FARS2: variants seen among roughly 807,000 people sequenced by gnomAD.
The protein encoded by FARS2 is phenylalanine--tRNA ligase, mitochondrial.
A neutral mutation model predicts 46.4 loss-of-function variants in FARS2; 40 were observed. The ratio of observed to expected loss-of-function variants is 0.86; its 90% CI spans 0.67 to 1.12. FARS2 has a LOEUF of 1.12. Among genes scored for constraint, FARS2 ranks in the 50% most tolerant of loss-of-function variants. The pLI, the probability that FARS2 is intolerant of heterozygous loss-of-function variation, is 0.00. For missense variants in FARS2, 513 were observed against 567.9 expected (o/e 0.90, Z 0.98); for synonymous variants, 234 against 214.9 (o/e 1.09, Z -0.78).
intron 1 of FARS2, among the ~76,000 whole-genome samples, chr6:5,347,114 A>G (rs926649154): frequency 3.3e-5 from 5 of 152,070 alleles, no homozygotes. Context: ...AGGTTTTGCC[A>G]TGTTGGCCTG....
At chr6:5,709,215 G>A (rs1036790216) in intron 6 of FARS2, among the ~76,000 whole-genome samples, 4 of 152,172 alleles carry the variant, frequency 2.6e-5, no homozygotes, top group South Asian at 2.1e-4. Context: ...TGAGACTGAA[G>A]GTGGGGTTGA....
chr6:5,545,790 C>T (rs1770941760), intron 5 of FARS2, among the ~76,000 whole-genome samples: 1 of 152,146 alleles, frequency 6.6e-6, no homozygotes, highest in Non-Finnish European at 1.5e-5. Flanking sequence ...GACGTGAACT[C>T]ATTCTTTTTT....
chr6:5,361,143 A>T (rs1758273067), intron 1 of FARS2, among the ~76,000 whole-genome samples: 1 of 152,206 alleles, frequency 6.6e-6, no homozygotes, highest in African/African-American at 2.4e-5. Flanking sequence ...ATGTGTTTAT[A>T]GGTAGGTGTA....
chr6:5,298,903 T>C (rs575542643), intron 1 of FARS2, among the ~76,000 whole-genome samples: 1 of 151,822 alleles, frequency 6.6e-6, no homozygotes, highest in African/African-American at 2.4e-5. Context: ...ATGTCTTGTC[T>C]TTTCTTAGGG....
At chr6:5,429,756 A>C (rs1405628285) in intron 3 of FARS2, among the ~76,000 whole-genome samples, 2 of 152,146 alleles carry the variant, frequency 1.3e-5, no homozygotes, top group Non-Finnish European at 2.9e-5. Context: ...GTTACAATGA[A>C]CTATGATTGG....
At chr6:5,527,827 G>A (rs552517424) in intron 4 of FARS2, among the ~76,000 whole-genome samples, 2 of 152,190 alleles carry the variant, frequency 1.3e-5, no homozygotes, top group Non-Finnish European at 2.9e-5. Context: ...GTTAGGAAAT[G>A]TATCTTTTGC....
chr6:5,676,714 C>A (rs1229226294), intron 6 of FARS2, among the ~76,000 whole-genome samples: 1 of 152,114 alleles, frequency 6.6e-6, no homozygotes, highest in Non-Finnish European at 1.5e-5. Flanking sequence ...TTGAATGCTC[C>A]CAAACTTACT....
At chr6:5,433,423 A>T (rs1441630926) in intron 4 of FARS2, among the ~76,000 whole-genome samples, 1 of 152,248 alleles carries the variant, frequency 6.6e-6, no homozygotes, top group Non-Finnish European at 1.5e-5. Flanking sequence ...GGAAATATTT[A>T]AACAGAAGTT....
intron 6 of FARS2, 52 bp downstream of exon 6, chr6:5,613,372 G>A: frequency 1.3e-6 from 2 of 1,530,412 alleles, no homozygotes; most frequent in South Asian, 1.2e-5. Flanking sequence ...TGTGATAAAT[G>A]TCATGTGGAA....
intron 6 of FARS2, among the ~76,000 whole-genome samples, chr6:5,719,959 C>T (rs1049435391): frequency 4.6e-5 from 7 of 152,160 alleles, no homozygotes; most frequent in East Asian, 1.9e-4. Flanking sequence ...ATAACCACCA[C>T]GTCTATTGTC....
At chr6:5,557,168 T>C (rs976721573) in intron 5 of FARS2, among the ~76,000 whole-genome samples, 2 of 151,992 alleles carry the variant, frequency 1.3e-5, no homozygotes, top group African/African-American at 4.8e-5. Flanking sequence ...TTCCTGAGTG[T>C]GAATATGGGA....
intron 2 of FARS2, among the ~76,000 whole-genome samples, chr6:5,387,720 C>G (rs1251625415): frequency 6.6e-6 from 1 of 152,098 alleles, no homozygotes; most frequent in Non-Finnish European, 1.5e-5. Flanking sequence ...CTCCAGAGGT[C>G]GTGATGTTAT....
chr6:5,725,672 A>G (rs1760203164), intron 6 of FARS2, among the ~76,000 whole-genome samples: 2 of 152,246 alleles, frequency 1.3e-5, no homozygotes, highest in Admixed American at 1.3e-4. Flanking sequence ...ATGGTGGCTC[A>G]CACCTGTAAT....
In FARS2 at chr6:5,578,829, AAAAAC is replaced by A. The variant is rs1307847313; in HGVS notation, c.1065+33494_1065+33498del. Among the ~76,000 whole-genome samples the A allele has an allele frequency of 4.0e-4, 9 of 22,580 alleles. 1 individual carries two copies. The South Asian group carries it at 6.4e-3, about 16-fold the overall frequency. 14.8% of individuals were successfully genotyped at this position (22,580 alleles called of 152,430 possible). On this transcript the variant is annotated intron_variant, in intron 5 of 6. Coordinates refer to ENST00000274680, the MANE Select transcript of FARS2 (RefSeq NM_006567.5). ...GTCTCAAAAAAAAAAAAAAAAAAAA[AAAAAC>A]AAAAAAAAAAGAAAACAGTGGCAAG...
At chr6:5,643,745 C>T (rs1342298474) in intron 6 of FARS2, among the ~76,000 whole-genome samples, 1 of 152,128 alleles carries the variant, frequency 6.6e-6, no homozygotes, top group Non-Finnish European at 1.5e-5. Flanking sequence ...ACTGCTTGAT[C>T]CACAGTCTAC....
chr6:5,404,512 CTTTA>C, intron 2 of FARS2, 26 bp from the exon 3 acceptor site: 1 of 1,505,296 alleles, frequency 6.6e-7, no homozygotes, highest in Non-Finnish European at 9.0e-7. Context: ...AGGATATTTT[CTTTA>C]TTTATACTTT....
chr6:5,654,348 A>G (rs1777508933), intron 6 of FARS2, among the ~76,000 whole-genome samples: 1 of 152,134 alleles, frequency 6.6e-6, no homozygotes, highest in South Asian at 2.1e-4. Context: ...TTCACTGATA[A>G]CCATCTTAGA....
intron 6 of FARS2, among the ~76,000 whole-genome samples, chr6:5,754,362 TC>T (rs1762103355): frequency 6.6e-6 from 1 of 152,188 alleles, no homozygotes; most frequent in Non-Finnish European, 1.5e-5. Context: ...GGACAGGAGA[TC>T]AGCTCTCCTG....
At chr6:5,414,536 C>A (rs965906256) in intron 3 of FARS2, among the ~76,000 whole-genome samples, 1 of 152,196 alleles carries the variant, frequency 6.6e-6, no homozygotes, top group African/African-American at 2.4e-5. Context: ...TGGCTTCTTT[C>A]ACTCAGCATA....
Sources: allele counts gnomAD v4.1 joint callset (sites outside exome capture counted in the v4.1 genomes callset), GRCh38; gene constraint gnomAD v4.1.1; transcripts MANE v1.5; gene names NCBI Gene and HGNC (gene_info 2026-07-23, HGNC 2026-07-21).